ANKS1B: variants seen among roughly 807,000 people sequenced by gnomAD.
ANKS1B encodes ankyrin repeat and sterile alpha motif domain-containing protein 1B.
In ANKS1B, 36 loss-of-function variants were observed where a neutral mutation model predicts 148.3. That is an observed-to-expected ratio of 0.24 (90% confidence interval 0.19 to 0.32). ANKS1B has a LOEUF of 0.32. Among genes scored for constraint, ANKS1B ranks in the 10% least tolerant of loss-of-function variants. ANKS1B has a pLI of 1.00. For synonymous variants in ANKS1B, 542 were observed against 560.8 expected (o/e 0.97, Z 0.47); for missense variants, 1,157 against 1,542.6 (o/e 0.75, Z 4.19).
At chr12:99,286,095 C>A (rs541663432) in intron 12 of ANKS1B, among the ~76,000 whole-genome samples, 2 of 151,658 alleles carry the variant, frequency 1.3e-5, no homozygotes, top group Non-Finnish European at 2.9e-5. Context: ...AATGTTTGTG[C>A]CACCCCTCAG....
At chr12:99,406,898 C>G (rs1057423692) in intron 11 of ANKS1B, among the ~76,000 whole-genome samples, 2 of 145,454 alleles carry the variant, frequency 1.4e-5, no homozygotes, top group Non-Finnish European at 3.0e-5. Context: ...AGTCTCCCAG[C>G]AAAGAAAAGC....
At chr12:99,750,246 A>G (rs918769316) in intron 8 of ANKS1B, among the ~76,000 whole-genome samples, 1 of 152,104 alleles carries the variant, frequency 6.6e-6, no homozygotes, top group Non-Finnish European at 1.5e-5. Context: ...AAACAGAAGT[A>G]AAAGACCCGC....
chr12:99,855,421 A>C (rs2088848221), intron 1 of ANKS1B, among the ~76,000 whole-genome samples: 1 of 152,122 alleles, frequency 6.6e-6, no homozygotes, highest in Non-Finnish European at 1.5e-5. Context: ...AACCATTACT[A>C]CTAGACCTAA....
At chr12:98,979,011 G>A (rs965628186) in intron 17 of ANKS1B, among the ~76,000 whole-genome samples, 3 of 151,442 alleles carry the variant, frequency 2.0e-5, no homozygotes, top group African/African-American at 4.8e-5. Flanking sequence ...GCGTGGTGGC[G>A]GGCGCCTGTA....
chr12:99,510,540 T>C (rs2096754564), intron 9 of ANKS1B, among the ~76,000 whole-genome samples: 1 of 152,010 alleles, frequency 6.6e-6, no homozygotes. Flanking sequence ...AATATAGGAC[T>C]GAATTGCTGT....
intron 12 of ANKS1B, among the ~76,000 whole-genome samples, chr12:99,293,569 A>T (rs2080371089): frequency 6.6e-6 from 1 of 152,216 alleles, no homozygotes; most frequent in Non-Finnish European, 1.5e-5. Context: ...AAGCTATGAA[A>T]CTACTAAAAG....
intron 14 of ANKS1B, 200 bp from the exon 15 acceptor site, chr12:99,154,595 T>G: frequency 6.7e-7 from 1 of 1,482,096 alleles, no homozygotes; most frequent in East Asian, 2.5e-5. Context: ...CCAGGCAGGC[T>G]GTGGAGTATG....
intron 8 of ANKS1B, among the ~76,000 whole-genome samples, chr12:99,744,531 T>C (rs1442201267): frequency 1.3e-5 from 2 of 152,228 alleles, no homozygotes; most frequent in Non-Finnish European, 2.9e-5. Context: ...CAAGCAAATA[T>C]AACACTACAG....
intron 12 of ANKS1B, chr12:99,344,893 C>T (rs1237144468): frequency 1.3e-5 from 2 of 151,946 alleles, no homozygotes; most frequent in African/African-American, 4.8e-5. Flanking sequence ...TTATAATTAC[C>T]TCTTAAATAG....
At chr12:99,335,391 T>C (rs1253062532) in intron 12 of ANKS1B, among the ~76,000 whole-genome samples, 1 of 152,018 alleles carries the variant, frequency 6.6e-6, no homozygotes, top group Non-Finnish European at 1.5e-5. Flanking sequence ...CTTTTAAGTA[T>C]ACAATAAATT....
intron 1 of ANKS1B, among the ~76,000 whole-genome samples, chr12:99,859,659 T>G (rs377719698): frequency 1.3e-5 from 2 of 152,118 alleles, no homozygotes; most frequent in South Asian, 2.1e-4. Flanking sequence ...TTTTGTTTTT[T>G]TTTTTGAGAC....
At chr12:99,654,817 A>G (rs2098442165) in intron 9 of ANKS1B, among the ~76,000 whole-genome samples, 1 of 152,206 alleles carries the variant, frequency 6.6e-6, no homozygotes, top group Non-Finnish European at 1.5e-5. Context: ...CATAAACAAG[A>G]TAACTTTTCT....
intron 4 of ANKS1B, among the ~76,000 whole-genome samples, chr12:99,804,218 T>C (rs1300981497): frequency 6.6e-6 from 1 of 152,102 alleles, no homozygotes; most frequent in Non-Finnish European, 1.5e-5. Flanking sequence ...AAGCAGTACA[T>C]CCAGATTAGA....
chr12:98,938,280 A>C (rs1455990320), intron 17 of ANKS1B, among the ~76,000 whole-genome samples: 1 of 152,234 alleles, frequency 6.6e-6, no homozygotes, highest in Non-Finnish European at 1.5e-5. Flanking sequence ...AAATTCTCAT[A>C]GGTTTCAGTG....
At chr12:99,629,711 T>G (rs2098140227) in intron 9 of ANKS1B, among the ~76,000 whole-genome samples, 1 of 152,124 alleles carries the variant, frequency 6.6e-6, no homozygotes, top group African/African-American at 2.4e-5. Flanking sequence ...AGTGGATAAC[T>G]TATTAAAAAG....
At chr12:99,186,811 CTCT>C (rs2153872052) in intron 14 of ANKS1B, among the ~76,000 whole-genome samples, 1 of 152,112 alleles carries the variant, frequency 6.6e-6, no homozygotes, top group East Asian at 1.9e-4. Flanking sequence ...ATCAGAATGC[CTCT>C]TCTTCTCCAA....
intron 9 of ANKS1B, among the ~76,000 whole-genome samples, chr12:99,654,491 T>G (rs1161595295): frequency 6.6e-6 from 1 of 152,190 alleles, no homozygotes; most frequent in Non-Finnish European, 1.5e-5. Context: ...CCTCTAAGAG[T>G]GTATGGTTCA....
chr12:99,862,943 G>C (rs1304765229), intron 1 of ANKS1B, among the ~76,000 whole-genome samples: 1 of 152,172 alleles, frequency 6.6e-6, no homozygotes, highest in African/African-American at 2.4e-5. Flanking sequence ...TCCCCAGGGA[G>C]CTCACCCAGT....
chr12:99,115,339 G>A (rs1383880301), intron 15 of ANKS1B, among the ~76,000 whole-genome samples: 1 of 152,188 alleles, frequency 6.6e-6, no homozygotes, highest in Non-Finnish European at 1.5e-5. Flanking sequence ...GGAGCTGGAG[G>A]CCATTATCCT....
Sources: allele counts gnomAD v4.1 joint callset (sites outside exome capture counted in the v4.1 genomes callset), GRCh38; gene constraint gnomAD v4.1.1; transcripts MANE v1.5; gene names NCBI Gene and HGNC (gene_info 2026-07-23, HGNC 2026-07-21).